Variants in LHFPL2 observed in about 807,000 individuals in gnomAD.
LHFPL2 encodes LHFPL tetraspan subfamily member 2 protein.
In LHFPL2, 7 loss-of-function variants were observed where a neutral mutation model predicts 17.5. The ratio of observed to expected loss-of-function variants is 0.40; its 90% CI spans 0.23 to 0.75. The LOEUF (loss-of-function observed/expected upper bound fraction) is 0.75. Among genes scored for constraint, LHFPL2 ranks in the 30% least tolerant of loss-of-function variants. LHFPL2 has a pLI of 0.37. For synonymous variants in LHFPL2, 134 were observed against 116.2 expected (o/e 1.15, Z -0.99); for missense variants, 241 against 294.8 (o/e 0.82, Z 1.34).
At chr5:78,539,956 C>T (rs1370549282) in intron 3 of LHFPL2, among the ~76,000 whole-genome samples, 4 of 152,056 alleles carry the variant, frequency 2.6e-5, no homozygotes, top group Non-Finnish European at 4.4e-5. Flanking sequence ...ACCACACAGT[C>T]GAGCATTTAA....
At chr5:78,596,785 G>A (rs2112467593) in intron 2 of LHFPL2, among the ~76,000 whole-genome samples, 1 of 151,360 alleles carries the variant, frequency 6.6e-6, no homozygotes, top group Non-Finnish European at 1.5e-5. Flanking sequence ...CTGGTAGGTT[G>A]TCAGTCATAA....
intron 3 of LHFPL2, among the ~76,000 whole-genome samples, chr5:78,536,328 C>A (rs1755950706): frequency 6.6e-6 from 1 of 152,180 alleles, no homozygotes; most frequent in Non-Finnish European, 1.5e-5. Flanking sequence ...CAGAGGAAAG[C>A]CCTCCAAGAA....
chr5:78,486,930 TTCA>T lies in LHFPL2; in HGVS notation c.*1964_*1966del, dbSNP rs1754264870. 6.6e-6 allele frequency: 1 copy of T among 152,190 alleles called. No individual in the cohort carries two copies. Among genetic ancestry groups the T allele is most frequent in the Admixed American group, 6.5e-5 (1 of 15,278 alleles). The allele number at this position is 152,190 out of a possible 1,614,324, so 9.4% of individuals were successfully genotyped here. A position where few individuals can be genotyped will look rare whatever the true frequency, so the allele number is the denominator to read the frequency against. ...AAGTTTATGGAAAAATTTTGTGTTTTTCATCAAGGTTTGAGACTTGGTTAGAAC... is the reference window on the plus strand; with the variant it reads ...AAGTTTATGGAAAAATTTTGTGTTTTTCAAGGTTTGAGACTTGGTTAGAAC... On this transcript the variant is annotated 3_prime_UTR_variant, in exon 5 of 5. Coordinates refer to ENST00000380345, the MANE Select transcript of LHFPL2 (RefSeq NM_005779.3).
chr5:78,566,549 C>T (rs1756865501), intron 2 of LHFPL2, among the ~76,000 whole-genome samples: 1 of 152,112 alleles, frequency 6.6e-6, no homozygotes, highest in Non-Finnish European at 1.5e-5. Context: ...CTGCAACCTC[C>T]ACCTCCTGGG....
At chr5:78,527,862 G>C (rs1002682650) in intron 3 of LHFPL2, among the ~76,000 whole-genome samples, 5 of 152,166 alleles carry the variant, frequency 3.3e-5, no homozygotes, top group African/African-American at 1.2e-4. Context: ...GCCTGGATAA[G>C]AACATGAAGT....
chr5:78,506,931 C>T (rs1754948915), intron 4 of LHFPL2, among the ~76,000 whole-genome samples: 2 of 145,644 alleles, frequency 1.4e-5, no homozygotes, highest in Non-Finnish European at 3.1e-5. Context: ...TTAAAGCTTC[C>T]AGACTGGAAA....
At chr5:78,539,929 C>T (rs1246897589) in intron 3 of LHFPL2, among the ~76,000 whole-genome samples, 2 of 151,902 alleles carry the variant, frequency 1.3e-5, no homozygotes, top group Non-Finnish European at 1.5e-5. Context: ...TCTGATCTCC[C>T]ACTGTGCTTG....
In LHFPL2 at chr5:78,486,119, A is replaced by G. The variant is rs1239696927; in HGVS notation, c.*2778T>C. ...ATTTTTAAATATGCTACACATAAAA[A>G]AAGACTATGGCACTTTACAGAATAT... On this transcript the variant is annotated 3_prime_UTR_variant, in exon 5 of 5. Coordinates refer to ENST00000380345, the MANE Select transcript of LHFPL2 (RefSeq NM_005779.3). The G allele has an allele frequency of 6.6e-6, 1 of 152,590 alleles. No individual in the cohort carries two copies. Among genetic ancestry groups the G allele is most frequent in the Admixed American group, 6.5e-5 (1 of 15,286 alleles). The allele number at this position is 152,590 out of a possible 1,614,324, so 9.5% of individuals were successfully genotyped here. A position where few individuals can be genotyped will look rare whatever the true frequency, so the allele number is the denominator to read the frequency against.
At chr5:78,575,437 T>A (rs970111834) in intron 2 of LHFPL2, among the ~76,000 whole-genome samples, 1 of 152,040 alleles carries the variant, frequency 6.6e-6, no homozygotes, top group African/African-American at 2.4e-5. Flanking sequence ...TAGTCCCAGC[T>A]ACTCGGGAGG....
At chr5:78,567,499 T>C (rs1756889290) in intron 2 of LHFPL2, among the ~76,000 whole-genome samples, 1 of 152,218 alleles carries the variant, frequency 6.6e-6, no homozygotes, top group Admixed American at 6.5e-5. Context: ...GAACAGTGTC[T>C]TTATTTCTAG....
chr5:78,534,949 C>A (rs1272891189), intron 3 of LHFPL2, among the ~76,000 whole-genome samples: 1 of 152,164 alleles, frequency 6.6e-6, no homozygotes, highest in Non-Finnish European at 1.5e-5. Flanking sequence ...TTATTTTTTG[C>A]CCTCTACTGT....
rs1183016429 is a variant in LHFPL2 at position 78,585,229 on chromosome 5, G to A, written c.-244-20358C>T. On this transcript the variant is annotated intron_variant, in intron 2 of 4. Transcript: ENST00000380345. The stretch of plus-strand genomic sequence containing the variant: ...CACCGTTTTTAGCCGGGATGGTCTC[G>A]ATATCCTGACCTCGTGATCCGCCCG... Among the ~76,000 whole-genome samples the A allele has an allele frequency of 4.2e-5, 4 of 95,106 alleles. 1 individual carries two copies. Among genetic ancestry groups the A allele is most frequent in the African/African-American group, 7.6e-5 (2 of 26,360 alleles). 62.4% of individuals were successfully genotyped at this position (95,106 alleles called of 152,430 possible). A position where few individuals can be genotyped will look rare whatever the true frequency, so the allele number is the denominator to read the frequency against.
At chr5:78,549,501 G>A (rs1756378066) in intron 3 of LHFPL2, among the ~76,000 whole-genome samples, 1 of 152,144 alleles carries the variant, frequency 6.6e-6, no homozygotes, top group African/African-American at 2.4e-5. Context: ...TCTGGGGCAG[G>A]GCCATAGGTA....
At chr5:78,525,468 A>C (rs1755594489) in intron 3 of LHFPL2, among the ~76,000 whole-genome samples, 1 of 152,238 alleles carries the variant, frequency 6.6e-6, no homozygotes, top group African/African-American at 2.4e-5. Flanking sequence ...AAATGAATTG[A>C]GCAGGTCATT....
rs1754224283 is a variant in LHFPL2, at chr5:78,485,960, T to TG, written c.*2936_*2937insC. On this transcript the variant is annotated 3_prime_UTR_variant, in exon 5 of 5. Coordinates refer to ENST00000380345, the MANE Select transcript of LHFPL2 (RefSeq NM_005779.3). ...CCATGAAGGCAAAAATGTGGAACTCTCCTTGCCAAAACAGAAACAAACATC... is the reference window on the plus strand; with the variant it reads ...CCATGAAGGCAAAAATGTGGAACTCTGCCTTGCCAAAACAGAAACAAACATC... 1 of 642 alleles carries TG rather than the reference T, an allele frequency of 1.6e-3. No homozygotes were observed. Among genetic ancestry groups the TG allele is most frequent in the Non-Finnish European group, 9.6e-3 (1 of 104 alleles). 0.0% of individuals were successfully genotyped at this position (642 alleles called of 1,614,324 possible).
In LHFPL2 at chr5:78,630,993, A is replaced by T. The variant is rs116761296; in HGVS notation, c.-245+1271T>A. 3.1e-3 allele frequency among the ~76,000 whole-genome samples: 473 copies of T among 152,298 alleles called. 1 individual carries two copies. The highest frequency in any genetic ancestry group is 0.01 in the Middle Eastern group (3 of 294). ...CCCTGAGGGTTTCTACTCCCAACCC[A>T]CGGGATAATGCGAGATCAACTCAAG... On this transcript the variant is annotated intron_variant, in intron 2 of 4. Transcript: ENST00000380345.
intron 1 of LHFPL2, among the ~76,000 whole-genome samples, chr5:78,635,256 C>T (rs1022505356): frequency 1.3e-5 from 2 of 152,234 alleles, no homozygotes; most frequent in African/African-American, 4.8e-5. Context: ...AATGTAATGA[C>T]TCTTTTCAGA....
At chr5:78,494,630 C>T (rs1005452845) in intron 4 of LHFPL2, 25 of 439,038 alleles carry the variant, frequency 5.7e-5, no homozygotes, top group African/African-American at 8.6e-5. Flanking sequence ...ACAACCTCAC[C>T]GATGGTCATG....
intron 3 of LHFPL2, among the ~76,000 whole-genome samples, chr5:78,550,426 C>G (rs1045904179): frequency 6.6e-6 from 1 of 152,180 alleles, no homozygotes; most frequent in Non-Finnish European, 1.5e-5. Context: ...CAAGAGCAGT[C>G]TCAATTCAGG....
Sources: gnomAD v4.1 joint callset for allele counts (sites outside exome capture counted in the v4.1 genomes callset) on GRCh38, gnomAD v4.1.1 for gene constraint, MANE v1.5 for transcripts, NCBI Gene and HGNC (gene_info 2026-07-23, HGNC 2026-07-21) for gene names.